Variants in ANKRD24 observed in about 807,000 individuals in gnomAD.
The protein encoded by ANKRD24 is ankyrin repeat domain-containing protein 24.
Under a neutral mutation model 127.8 loss-of-function variants are expected in ANKRD24, and 109 were observed. That is an observed-to-expected ratio of 0.85 (90% CI 0.73 to 1.00). The LOEUF (loss-of-function observed/expected upper bound fraction) is 1.00. Ranked by LOEUF, ANKRD24 falls within the 50% of genes least tolerant of loss-of-function variation. The pLI is 0.00. For synonymous variants in ANKRD24, 743 were observed against 671.1 expected, an observed-to-expected ratio of 1.11 and a Z score of -1.66; for missense variants, 1,648 against 1,570.2, an observed-to-expected ratio of 1.05 and a Z score of -0.84.
At chr19:4,203,957 C>CTTT (rs34885254) in intron 7 of ANKRD24, among the ~76,000 whole-genome samples, 437 of 62,334 alleles carry the variant, frequency 7.0e-3, no homozygotes, top group East Asian at 0.012. Flanking sequence ...GCCCTTCTCC[C>CTTT]TTTTTTTTTT....
At chr19:4,182,965 T>TTGTGTG (rs57280997) in intron 1 of ANKRD24, among the ~76,000 whole-genome samples, 2,225 of 138,654 alleles carry the variant, frequency 0.016, 39 homozygotes, top group African/African-American at 0.039. Flanking sequence ...AATATCTCAT[T>TTGTGTG]TGTGTGTGTG....
intron 20 of ANKRD24, 102 bp downstream of exon 20, chr19:4,222,897 G>C: frequency 7.5e-7 from 1 of 1,339,294 alleles, no homozygotes; most frequent in Admixed American, 2.9e-5. Flanking sequence ...GAGAGGGGCT[G>C]GGGTAGGCAG....
chr19:4,193,609 G>A (rs982040453), intron 2 of ANKRD24, among the ~76,000 whole-genome samples: 8 of 151,772 alleles, frequency 5.3e-5, no homozygotes, highest in Admixed American at 2.0e-4. Flanking sequence ...AGGCTGAGGC[G>A]AGCAGATCAC....
chr19:4,210,220 G>C (rs1172734244), intron 12 of ANKRD24, 45 bp from the exon 13 acceptor site: 1 of 1,560,024 alleles, frequency 6.4e-7, no homozygotes. Flanking sequence ...CTGGGATGGG[G>C]CAACCTTAGG....
chr19:4,207,704 G>A, intron 9 of ANKRD24, 77 bp from the exon 10 acceptor site: 2 of 1,591,666 alleles, frequency 1.3e-6, no homozygotes, highest in Non-Finnish European at 1.7e-6. Flanking sequence ...CCTCTTCCCA[G>A]CCTGGCCTGG....
chr19:4,207,587 CG>C lies in ANKRD24; in HGVS notation c.625del (p.Asp209IlefsTer10). 1 of 1,613,918 alleles carries C rather than the reference CG, an allele frequency of 6.2e-7. No individual in the cohort carries two copies. Reference protein sequence around the residue: ...LLLQQGAAANDQDLQGRTALM... With the variant: ...LLLQQGAAANXQDLQGRTALM... ...TACTGCAGCAAGGGGCTGCCGCGAA[CG>C]ATCAGGACCTGCAAGGCAGGTGAGC... is the stretch of plus-strand genomic sequence containing the variant. On this transcript the variant is annotated frameshift_variant, in exon 9 of 22. Coordinates refer to ENST00000318934, the MANE Select transcript of ANKRD24 (RefSeq NM_001393985.1). LOFTEE classifies it high-confidence loss of function.
At chr19:4,208,216 A>G in intron 10 of ANKRD24, among the ~76,000 whole-genome samples, 1 of 151,714 alleles carries the variant, frequency 6.6e-6, no homozygotes, top group Admixed American at 6.6e-5. Context: ...TAAGAAGGGC[A>G]CCCCCTGCTG....
chr19:4,210,488 T>C, intron 13 of ANKRD24, 116 bp downstream of exon 13: 3 of 959,454 alleles, frequency 3.1e-6, no homozygotes, highest in Non-Finnish European at 4.6e-6. Flanking sequence ...CTCCCCACCC[T>C]GCTGCAGCCA....
At chr19:4,215,814 G>A (rs1308007823) in intron 15 of ANKRD24, among the ~76,000 whole-genome samples, 164 bp from the exon 16 acceptor site, 1 of 151,526 alleles carries the variant, frequency 6.6e-6, no homozygotes, top group Non-Finnish European at 1.5e-5. Context: ...GGTGGCAAAG[G>A]ACATGGAAGG....
chr19:4,187,586 T>C (rs1050115127), intron 2 of ANKRD24, among the ~76,000 whole-genome samples: 5 of 152,116 alleles, frequency 3.3e-5, no homozygotes, highest in Admixed American at 6.6e-5. Flanking sequence ...CTTCCTCCAT[T>C]GTCCCCATTC....
In ANKRD24 at chr19:4,207,581, C is replaced by G; in HGVS notation, c.618C>G (p.Ala206=). The change falls in exon 9 of 22, where the codon GCC becomes GCG. Residue 206 remains alanine, a synonymous_variant. Transcript: ENST00000318934. ...LCRLLLQQGA[A]ANDQDLQGRT... ...GTCTCCTACTGCAGCAAGGGGCTGCCGCGAACGATCAGGACCTGCAAGGCA... is the reference window on the plus strand; with the variant it reads ...GTCTCCTACTGCAGCAAGGGGCTGCGGCGAACGATCAGGACCTGCAAGGCA... 1 of 1,613,858 alleles carries G rather than the reference C, an allele frequency of 6.2e-7. No homozygotes were observed. The highest frequency in any genetic ancestry group is 1.1e-5 in the South Asian group (1 of 91,084).
At chr19:4,213,310 C>G (rs927283803) in intron 15 of ANKRD24, among the ~76,000 whole-genome samples, 4 of 145,814 alleles carry the variant, frequency 2.7e-5, no homozygotes, top group African/African-American at 1.0e-4. Context: ...CCTTCCTTCC[C>G]TCCCTCCCTC....
chr19:4,201,633 C>T (rs1969099771), intron 5 of ANKRD24, among the ~76,000 whole-genome samples: 1 of 152,028 alleles, frequency 6.6e-6, no homozygotes, highest in Non-Finnish European at 1.5e-5. Context: ...CTGTTAATTC[C>T]AGCACTTTGG....
chr19:4,199,795 G>A lies in ANKRD24; in HGVS notation c.123+26G>A. On this transcript the variant is annotated intron_variant, in intron 3 of 21. Transcript: ENST00000318934. This position sits in a 1 kb window ranked among gnomAD's most constrained non-coding sequence, Gnocchi z 5.2. Reference sequence around the variant, plus strand: ...GCAAGTGCCCAGGGGCAGGTGGTGAGAGCCCGGAGCCCCTGTCGGGGGCGT... The same window carrying A: ...GCAAGTGCCCAGGGGCAGGTGGTGAAAGCCCGGAGCCCCTGTCGGGGGCGT... 1 of 1,520,066 alleles carries A rather than the reference G, an allele frequency of 6.6e-7. No individual in the cohort carries two copies. The highest frequency in any genetic ancestry group is 2.5e-5 in the East Asian group (1 of 40,370). The allele number at this position is 1,520,066 out of a possible 1,614,324, so 94.2% of individuals were successfully genotyped here. A position where few individuals can be genotyped will look rare whatever the true frequency, so the allele number is the denominator to read the frequency against.
rs1282857237 is a variant in ANKRD24 at position 4,217,860 on chromosome 19, C to T, written c.2700C>T (p.Ala900=). Residue 900 remains alanine, a synonymous_variant, in exon 18 of 22, where the codon GCC becomes GCT. Transcript: ENST00000318934. ...AACEEARQGL[A]ELREASEALR... is the part of the protein sequence containing the mutation. ...GCGAGGAGGCGCGGCAGGGCCTGGC[C>T]GAGCTGCGGGAGGCCTCCGAGGCCC... 6 of 1,454,240 alleles carry T rather than the reference C, an allele frequency of 4.1e-6. No homozygotes were observed. Among genetic ancestry groups the T allele is most frequent in the Admixed American group, 2.6e-5 (1 of 38,870 alleles). 90.1% of individuals were successfully genotyped at this position (1,454,240 alleles called of 1,614,324 possible).
In ANKRD24 at chr19:4,217,663, G is replaced by A. The variant is rs1599463500; in HGVS notation, c.2503G>A (p.Glu835Lys). The change falls in exon 18 of 22, where the codon GAG (glutamate) becomes AAG (lysine). Residue 835 changes from glutamate to lysine, a missense_variant. By Grantham distance (56) the Glu-to-Lys change is moderately conservative (BLOSUM62 1). Transcript: ENST00000318934. The stretch of plus-strand genomic sequence containing the variant: ...GGAGGAGGCGCGGGGCCTGCGGGCC[G>A]AGCTGGCCCAGCGGGAGGAGGCGCG... Reference protein sequence around the residue: ...AEEEARGLRAELAQREEARLE... With the variant: ...AEEEARGLRAKLAQREEARLE... 1.6e-6 allele frequency: 2 copies of A among 1,284,576 alleles called. No individual in the cohort carries two copies. The highest frequency in any genetic ancestry group is 1.6e-5 in the African/African-American group (1 of 63,770). 79.6% of individuals were successfully genotyped at this position (1,284,576 alleles called of 1,614,324 possible).
chr19:4,207,043 C>T (rs911761237), intron 7 of ANKRD24, 199 bp from the exon 8 acceptor site: 18 of 594,112 alleles, frequency 3.0e-5, no homozygotes, highest in Non-Finnish European at 5.1e-5. Flanking sequence ...TCCCTAGTAG[C>T]TGGGGCCACA....
intron 19 of ANKRD24, 136 bp from the exon 20 acceptor site, chr19:4,222,534 G>A: frequency 9.4e-7 from 1 of 1,064,466 alleles, no homozygotes. Context: ...TGGCCCTCAG[G>A]CCAGAGTTTG....
chr19:4,195,414 A>G lies in ANKRD24; in HGVS notation c.37-4269A>G, dbSNP rs8106508. ...GTATGGCATCCAGGAGGACAAGTGT[A>G]GGAGACAGTTGGAAACTGAAGCCCT... On this transcript the variant is annotated intron_variant, in intron 2 of 21. Coordinates refer to ENST00000318934, the MANE Select transcript of ANKRD24 (RefSeq NM_001393985.1). This position sits in a 1 kb window ranked among gnomAD's most constrained non-coding sequence, Gnocchi z 4.2. Among the ~76,000 whole-genome samples, 15,375 of 152,064 alleles carry G rather than the reference A, an allele frequency of 0.1. 2,637 individuals are homozygous for G. The highest frequency in any genetic ancestry group is 0.35 in the African/African-American group (14,596 of 41,426).
Sources: gnomAD v4.1 joint callset for allele counts (sites outside exome capture counted in the v4.1 genomes callset) on GRCh38, gnomAD v4.1.1 for gene constraint, Gnocchi (gnomAD v3.1) non-coding constraint, MANE v1.5 for transcripts, NCBI Gene and HGNC (gene_info 2026-07-23, HGNC 2026-07-21) for gene names.